Variants in CSMD1 observed in about 807,000 individuals in gnomAD.
CSMD1 encodes the protein CUB and Sushi multiple domains 1, also known as CUB and sushi domain-containing protein 1.
In CSMD1, 213 loss-of-function variants were observed where a neutral mutation model predicts 417.5. The observed-to-expected ratio is 0.51, with a 90% CI of 0.46 to 0.57. The LOEUF is 0.57. Ranked by LOEUF, CSMD1 falls within the 20% of genes least tolerant of loss-of-function variation. CSMD1 has a pLI of 0.00. For synonymous variants in CSMD1, 2,862 were observed against 1,736.8 expected, an observed-to-expected ratio of 1.65 and a Z score of -16.11; for missense variants, 6,923 against 4,529.7, an observed-to-expected ratio of 1.53 and a Z score of -15.17.
chr8:3,355,221 C>A (rs146836751), intron 21 of CSMD1, among the ~76,000 whole-genome samples: 2 of 151,918 alleles, frequency 1.3e-5, no homozygotes, highest in Non-Finnish European at 2.9e-5. Context: ...TTACTAGATA[C>A]GGATTTAAGG....
intron 4 of CSMD1, among the ~76,000 whole-genome samples, chr8:4,024,691 T>C (rs915331946): frequency 3.9e-5 from 6 of 152,162 alleles, no homozygotes; most frequent in Non-Finnish European, 7.4e-5. Flanking sequence ...ATGTGACTTG[T>C]GGATACCTTC....
chr8:4,349,708 A>C (rs776632736), intron 3 of CSMD1, among the ~76,000 whole-genome samples: 1 of 152,290 alleles, frequency 6.6e-6, no homozygotes, highest in East Asian at 1.9e-4. Flanking sequence ...CTATAAATAC[A>C]ATCATCAGTT....
intron 2 of CSMD1, among the ~76,000 whole-genome samples, chr8:4,520,304 C>G (rs1347411146): frequency 2.0e-5 from 3 of 152,192 alleles, no homozygotes; most frequent in Non-Finnish European, 2.9e-5. Context: ...TTTCACATGA[C>G]TAATGTAGAA....
At chr8:3,656,381 G>C (rs1384380016) in intron 7 of CSMD1, among the ~76,000 whole-genome samples, 2 of 151,012 alleles carry the variant, frequency 1.3e-5, no homozygotes, top group Non-Finnish European at 2.9e-5. Context: ...GATGACACCT[G>C]CTTTCTCTTT....
At chr8:3,294,621 T>C (rs2406457) in intron 25 of CSMD1, among the ~76,000 whole-genome samples, 1 of 151,958 alleles carries the variant, frequency 6.6e-6, no homozygotes, top group Non-Finnish European at 1.5e-5. Context: ...CTCTGAGTCA[T>C]GCACGGGATA....
At chr8:3,791,765 G>A (rs1455922841) in intron 5 of CSMD1, among the ~76,000 whole-genome samples, 1 of 152,186 alleles carries the variant, frequency 6.6e-6, no homozygotes, top group Admixed American at 6.5e-5. Context: ...GGAAGTTGCA[G>A]TGAGCCGACG....
intron 3 of CSMD1, among the ~76,000 whole-genome samples, chr8:4,227,496 T>A (rs898040007): frequency 2.0e-5 from 3 of 152,104 alleles, no homozygotes; most frequent in Non-Finnish European, 4.4e-5. Flanking sequence ...CCCTTGAGGC[T>A]GGAGGAGCGC....
At chr8:3,492,470 C>A in intron 11 of CSMD1, among the ~76,000 whole-genome samples, 1 of 151,890 alleles carries the variant, frequency 6.6e-6, no homozygotes, top group Non-Finnish European at 1.5e-5. Flanking sequence ...TAATGAAAGA[C>A]GCTTCTGGTT....
intron 68 of CSMD1, among the ~76,000 whole-genome samples, chr8:2,943,163 T>C (rs911138990): frequency 6.6e-6 from 1 of 152,172 alleles, no homozygotes; most frequent in African/African-American, 2.4e-5. Flanking sequence ...AATGTCACAA[T>C]GCAAGTTTCC....
intron 49 of CSMD1, among the ~76,000 whole-genome samples, chr8:3,053,425 C>A (rs551667802): frequency 1.3e-5 from 2 of 152,246 alleles, no homozygotes; most frequent in African/African-American, 4.8e-5. Context: ...TCTGAAAAGT[C>A]TTCCCTTTTT....
chr8:4,840,372 C>T (rs549533359), intron 1 of CSMD1, among the ~76,000 whole-genome samples: 6 of 152,054 alleles, frequency 3.9e-5, no homozygotes, highest in African/African-American at 1.4e-4. Flanking sequence ...TGAAACTAGC[C>T]GATTACTTGC....
At chr8:4,118,079 T>C (rs1169509755) in intron 3 of CSMD1, among the ~76,000 whole-genome samples, 1 of 151,918 alleles carries the variant, frequency 6.6e-6, no homozygotes, top group Non-Finnish European at 1.5e-5. Flanking sequence ...GGCCATATGA[T>C]TAGACAAATT....
At chr8:2,965,341 A>C (rs1357935341) in intron 59 of CSMD1, among the ~76,000 whole-genome samples, 9 of 152,120 alleles carry the variant, frequency 5.9e-5, no homozygotes, top group Non-Finnish European at 1.2e-4. Flanking sequence ...CACGGTGCTA[A>C]CACTCTCTAC....
chr8:4,211,988 T>A (rs1441121429), intron 3 of CSMD1, among the ~76,000 whole-genome samples: 1 of 152,100 alleles, frequency 6.6e-6, no homozygotes, highest in Non-Finnish European at 1.5e-5. Flanking sequence ...ATGTCTTCTG[T>A]TATAAAATAG....
intron 57 of CSMD1, among the ~76,000 whole-genome samples, chr8:2,971,100 C>G (rs1804418319): frequency 6.6e-6 from 1 of 152,200 alleles, no homozygotes; most frequent in Non-Finnish European, 1.5e-5. Flanking sequence ...AAGGCATTCT[C>G]TTACATAACC....
chr8:3,919,295 G>T (rs1040288533), intron 5 of CSMD1, among the ~76,000 whole-genome samples: 1 of 151,154 alleles, frequency 6.6e-6, no homozygotes, highest in Non-Finnish European at 1.5e-5. Flanking sequence ...GTATCGCACT[G>T]AAGTCCTTCA....
intron 2 of CSMD1, among the ~76,000 whole-genome samples, chr8:4,444,741 GATATGA>G (rs1268481198): frequency 6.6e-6 from 1 of 152,140 alleles, no homozygotes; most frequent in East Asian, 1.9e-4. Flanking sequence ...GAGGTAAAAT[GATATGA>G]ATATGTCTAC....
intron 1 of CSMD1, among the ~76,000 whole-genome samples, chr8:4,712,399 C>A (rs781113789): frequency 6.6e-6 from 1 of 152,108 alleles, no homozygotes; most frequent in South Asian, 2.1e-4. Flanking sequence ...ATCTGTAGGT[C>A]AAAAATAAAA....
intron 3 of CSMD1, among the ~76,000 whole-genome samples, chr8:4,173,338 C>T (rs1797868361): frequency 2.0e-5 from 3 of 152,074 alleles, no homozygotes; most frequent in Non-Finnish European, 1.5e-5. Flanking sequence ...CAAACCTAAC[C>T]AGATATTCAG....
Sources: gnomAD v4.1 joint callset for allele counts (sites outside exome capture counted in the v4.1 genomes callset) on GRCh38, gnomAD v4.1.1 for gene constraint, MANE v1.5 for transcripts, NCBI Gene and HGNC (gene_info 2026-07-23, HGNC 2026-07-21) for gene names.